The following DPF3 variants were observed in gnomAD, a reference collection of about 807,000 sequenced individuals.
DPF3 encodes zinc finger protein DPF3.
DPF3 carries 18 observed loss-of-function variants against 56.8 expected under a neutral mutation model. That is an observed-to-expected ratio of 0.32 (90% CI 0.22 to 0.47). DPF3 has a LOEUF of 0.47. DPF3 is among the 20% of genes least tolerant of loss of function. DPF3 has a pLI of 1.00. For missense variants in DPF3, 403 were observed against 488.8 expected (o/e 0.82, Z 1.65); for synonymous variants, 188 against 180.2 (o/e 1.04, Z -0.35).
At chr14:72,701,837 C>T (rs1232832915) in intron 6 of DPF3, among the ~76,000 whole-genome samples, 1 of 152,188 alleles carries the variant, frequency 6.6e-6, no homozygotes. Flanking sequence ...ACAGCTCATT[C>T]CCGGCTCTGC....
intron 8 of DPF3, among the ~76,000 whole-genome samples, chr14:72,660,888 G>A (rs1274777511): frequency 6.6e-6 from 1 of 152,218 alleles, no homozygotes; most frequent in African/African-American, 2.4e-5. Context: ...GGCAACTGCT[G>A]TTCTAGACCA....
At chr14:72,709,231 G>A (rs1016813779) in intron 6 of DPF3, among the ~76,000 whole-genome samples, 5 of 152,226 alleles carry the variant, frequency 3.3e-5, no homozygotes, top group Non-Finnish European at 4.4e-5. Context: ...AGGTGGTAGA[G>A]AACAGAGACT....
chr14:72,790,877 T>A (rs1459197846), intron 1 of DPF3, among the ~76,000 whole-genome samples: 1 of 152,156 alleles, frequency 6.6e-6, no homozygotes, highest in Admixed American at 6.5e-5. Context: ...CCCTCCAGAT[T>A]CTCTCTCTGC....
At chr14:72,893,460 C>T (rs892870339) in intron 1 of DPF3, among the ~76,000 whole-genome samples, 1 of 152,146 alleles carries the variant, frequency 6.6e-6, no homozygotes, top group Non-Finnish European at 1.5e-5. Context: ...CGCCCGGGAC[C>T]CGCTGCTTCC....
chr14:72,629,765 G>C, intron 8 of DPF3, 29 bp from the exon 9 acceptor site: 6 of 1,504,336 alleles, frequency 4.0e-6, no homozygotes, highest in Non-Finnish European at 5.4e-6. Context: ...AACAGCATTA[G>C]GGCCAAAGTA....
intron 9 of DPF3, among the ~76,000 whole-genome samples, chr14:72,621,140 CAAAAA>C (rs36094507): frequency 3.3e-5 from 4 of 122,058 alleles, no homozygotes; most frequent in Non-Finnish European, 3.5e-5. Context: ...GACTCTGTCT[CAAAAA>C]AAAAAAAAAA....
At chr14:72,801,449 C>T (rs2140001704) in intron 1 of DPF3, among the ~76,000 whole-genome samples, 1 of 152,298 alleles carries the variant, frequency 6.6e-6, no homozygotes, top group Non-Finnish European at 1.5e-5. Context: ...ATCATGACCT[C>T]AAGGAGGTAA....
intron 1 of DPF3, among the ~76,000 whole-genome samples, chr14:72,861,784 A>AAAGAAAGAAAGAAAGAAAGAAAGGAAGG (rs1555514029): frequency 1.3e-5 from 2 of 148,346 alleles, no homozygotes; most frequent in Admixed American, 6.7e-5. Flanking sequence ...AGAAAGAAAG[A>AAAGAAAGAAAGAAAGAAAGAAAGGAAGG]AAGAAAGAAA....
At chr14:72,846,396 T>C (rs77975626) in intron 1 of DPF3, among the ~76,000 whole-genome samples, 1 of 137,576 alleles carries the variant, frequency 7.3e-6, no homozygotes, top group Admixed American at 8.6e-5. Context: ...AGTGCAGTGG[T>C]GCGATCTCGG....
At chr14:72,625,595 T>C (rs1281472738) in intron 9 of DPF3, among the ~76,000 whole-genome samples, 1 of 152,214 alleles carries the variant, frequency 6.6e-6, no homozygotes, top group East Asian at 1.9e-4. Context: ...TGTGTCTTCA[T>C]TGCTTCTGTG....
chr14:72,762,724 T>C (rs768097081), intron 2 of DPF3, among the ~76,000 whole-genome samples: 26 of 151,982 alleles, frequency 1.7e-4, no homozygotes, highest in Non-Finnish European at 3.8e-4. Flanking sequence ...TTTTACCTAA[T>C]ATTATGTTGG....
intron 7 of DPF3, among the ~76,000 whole-genome samples, chr14:72,677,643 G>T (rs1886971885): frequency 6.6e-6 from 1 of 152,118 alleles, no homozygotes; most frequent in Admixed American, 6.5e-5. Context: ...GAGAGGGATG[G>T]CAGGGATGTT....
At chr14:72,798,254 CAAAAAAAAAAAAAAAA>C (rs35648169) in intron 1 of DPF3, among the ~76,000 whole-genome samples, 5,548 of 54,360 alleles carry the variant, frequency 0.1, 479 homozygotes, top group African/African-American at 0.29. Flanking sequence ...GCCTTCATCT[CAAAAAAAAAAAAAAAA>C]AAAAAAAAAA....
intron 7 of DPF3, among the ~76,000 whole-genome samples, chr14:72,674,849 C>A (rs552270510): frequency 6.6e-6 from 1 of 152,204 alleles, no homozygotes; most frequent in South Asian, 2.1e-4. Flanking sequence ...AAATGGAAAA[C>A]AAAGAAGCAC....
Position 72,710,432 on chromosome 14 carries a change from G to C in DPF3, c.604+3991C>G, listed in dbSNP as rs191750358. Among the ~76,000 whole-genome samples the C allele has an allele frequency of 1.2e-3, 190 of 152,338 alleles. 1 individual carries two copies. Among genetic ancestry groups the C allele is most frequent in the African/African-American group, 4.3e-3 (178 of 41,578 alleles). On this transcript the variant is annotated intron_variant, in intron 6 of 10. Transcript: ENST00000556509. ...GCAACCTGCCTGGAGAATTCCTGGA[G>C]ACTCCAGAATGTCCAGATGCAAAAA...
intron 9 of DPF3, among the ~76,000 whole-genome samples, chr14:72,621,445 C>A (rs1884438874): frequency 6.6e-6 from 1 of 152,156 alleles, no homozygotes; most frequent in South Asian, 2.1e-4. Context: ...CACCTTGGCC[C>A]CCACCAGTGC....
chr14:72,704,790 C>G (rs1181812834), intron 6 of DPF3, among the ~76,000 whole-genome samples: 1 of 152,212 alleles, frequency 6.6e-6, no homozygotes, highest in Non-Finnish European at 1.5e-5. Flanking sequence ...CTCTCCTCTC[C>G]TGCTCTCCAC....
intron 1 of DPF3, among the ~76,000 whole-genome samples, chr14:72,818,829 T>C (rs1883404487): frequency 6.7e-6 from 1 of 149,634 alleles, no homozygotes; most frequent in South Asian, 2.1e-4. Flanking sequence ...TTTTAAAAGA[T>C]GTTGTTAAGA....
At chr14:72,662,460 A>T (rs1273299066) in intron 8 of DPF3, 15 of 983,362 alleles carry the variant, frequency 1.5e-5, no homozygotes, top group Non-Finnish European at 1.8e-5. Flanking sequence ...TAAAATAGTT[A>T]ACTCTTTTTT....
Sources: allele counts gnomAD v4.1 joint callset (sites outside exome capture counted in the v4.1 genomes callset), GRCh38; gene constraint gnomAD v4.1.1; transcripts MANE v1.5; gene names NCBI Gene and HGNC (gene_info 2026-07-23, HGNC 2026-07-21).